CADM2: variants seen among roughly 807,000 people sequenced by gnomAD.
CADM2 encodes the protein cell adhesion molecule 2.
In CADM2, 12 loss-of-function variants were observed where a neutral mutation model predicts 49.8. The ratio of observed to expected loss-of-function variants is 0.24; its 90% CI spans 0.15 to 0.39. The LOEUF (loss-of-function observed/expected upper bound fraction) is 0.39, where lower values mean the gene tolerates loss of function less well. Ranked by LOEUF, CADM2 falls within the 10% of genes least tolerant of loss-of-function variation. The pLI is 1.00. For synonymous variants in CADM2, 214 were observed against 175.4 expected, an observed-to-expected ratio of 1.22 and a Z score of -1.74; for missense variants, 378 against 492.3, an observed-to-expected ratio of 0.77 and a Z score of 2.20.
At chr3:85,655,457 C>G (rs1307394254) in intron 1 of CADM2, among the ~76,000 whole-genome samples, 2 of 152,082 alleles carry the variant, frequency 1.3e-5, no homozygotes, top group Admixed American at 6.5e-5. Flanking sequence ...CCATGCCCAG[C>G]CCCGCTTGGT....
intron 1 of CADM2, among the ~76,000 whole-genome samples, chr3:85,527,142 G>A (rs1182609357): frequency 2.0e-5 from 3 of 152,016 alleles, no homozygotes; most frequent in Admixed American, 1.3e-4. Flanking sequence ...TCACAGCACC[G>A]TGGGATGCCA....
chr3:85,379,654 A>G (rs912304372), intron 1 of CADM2, among the ~76,000 whole-genome samples: 1 of 152,026 alleles, frequency 6.6e-6, no homozygotes, highest in Admixed American at 6.6e-5. Context: ...AGTAATAACA[A>G]GACACTCCAC....
chr3:84,973,633 G>C (rs889349847), intron 1 of CADM2, among the ~76,000 whole-genome samples: 3 of 152,166 alleles, frequency 2.0e-5, no homozygotes, highest in Admixed American at 2.0e-4. Context: ...AAGGAACTAT[G>C]TAACAAGCAA....
chr3:85,624,235 A>C (rs2064057256), intron 1 of CADM2, among the ~76,000 whole-genome samples: 1 of 152,178 alleles, frequency 6.6e-6, no homozygotes. Context: ...TTAAAAATTC[A>C]GATTCTTAGT....
Position 84,959,555 on chromosome 3 carries a change from A to C in CADM2, c.-53A>C. On this transcript the variant is annotated 5_prime_UTR_variant, in exon 1 of 10. Transcript: ENST00000383699. ...AGCCCTGCACTCTCGTGCCCCGCTC[A>C]CCAGCATCTACTTGCCCCCTCGTTC... 1 of 1,497,064 alleles carries C rather than the reference A, an allele frequency of 6.7e-7. No homozygotes were observed. The highest frequency in any genetic ancestry group is 9.0e-7 in the Non-Finnish European group (1 of 1,110,742). The allele number at this position is 1,497,064 out of a possible 1,614,324, so 92.7% of individuals were successfully genotyped here.
intron 1 of CADM2, among the ~76,000 whole-genome samples, chr3:85,315,377 CG>C (rs1013580752): frequency 6.6e-6 from 1 of 151,882 alleles, no homozygotes; most frequent in Non-Finnish European, 1.5e-5. Context: ...TCTTAAGTAT[CG>C]GGGGTTAAAA....
Position 85,992,722 on chromosome 3 carries a change from A to T in CADM2, c.970+31075A>T, listed in dbSNP as rs888120274. 2.1e-4 allele frequency: 32 copies of T among 152,362 alleles called. No homozygotes were observed. The East Asian group carries it at 3.9e-3, about 18-fold the overall frequency. The allele number at this position is 152,362 out of a possible 1,614,324, so 9.4% of individuals were successfully genotyped here. On this transcript the variant is annotated intron_variant, in intron 8 of 9. Transcript: ENST00000383699. ...TTTAAAGTTGTTTTATTACTAAAAA[A>T]TGCTAATGATCGTCTGAGTCTTCAG...
At chr3:85,450,451 A>G (rs1482335752) in intron 1 of CADM2, among the ~76,000 whole-genome samples, 1 of 152,050 alleles carries the variant, frequency 6.6e-6, no homozygotes, top group Non-Finnish European at 1.5e-5. Context: ...TAGGTCTACC[A>G]TTCAGGATAT....
intron 2 of CADM2, among the ~76,000 whole-genome samples, chr3:85,768,316 G>A (rs2069772862): frequency 6.6e-6 from 1 of 151,600 alleles, no homozygotes; most frequent in African/African-American, 2.4e-5. Context: ...TCTGGTGGTG[G>A]GCACCTGCAG....
intron 1 of CADM2, among the ~76,000 whole-genome samples, chr3:85,422,132 G>A (rs1295673825): frequency 6.6e-6 from 1 of 151,908 alleles, no homozygotes; most frequent in Non-Finnish European, 1.5e-5. Context: ...AAAAGTTTTA[G>A]AATGTGTACA....
At chr3:85,611,969 G>A (rs762916018) in intron 1 of CADM2, among the ~76,000 whole-genome samples, 6 of 151,680 alleles carry the variant, frequency 4.0e-5, no homozygotes, top group Non-Finnish European at 8.9e-5. Context: ...AGAAGAAATA[G>A]GTTTCATTCC....
chr3:85,149,730 G>T (rs926657727), intron 1 of CADM2, among the ~76,000 whole-genome samples: 1 of 151,980 alleles, frequency 6.6e-6, no homozygotes, highest in Non-Finnish European at 1.5e-5. Flanking sequence ...CCGTCTCAAA[G>T]AAAAAAATAT....
At chr3:84,999,186 T>C (rs2033330128) in intron 1 of CADM2, among the ~76,000 whole-genome samples, 1 of 152,146 alleles carries the variant, frequency 6.6e-6, no homozygotes, top group Admixed American at 6.6e-5. Context: ...ATATAGTCAT[T>C]TCTTGTTATG....
intron 2 of CADM2, among the ~76,000 whole-genome samples, chr3:85,785,780 C>G (rs917504637): frequency 6.6e-6 from 1 of 152,002 alleles, no homozygotes; most frequent in Non-Finnish European, 1.5e-5. Flanking sequence ...CTAGTGACAC[C>G]GGCTATTCGA....
rs1559644015 is a variant in CADM2 at position 85,769,276 on chromosome 3, T to TATATAGTATATATACACGTATATACACAC, written c.89-32766_89-32765insGTATATATACACGTATATACACACATATA. ...TATAGTATATATACACATATATACA[T>TATATAGTATATATACACGTATATACACAC]ATATACATATATAGTATATATACAC... On this transcript the variant is annotated intron_variant, in intron 2 of 9. Coordinates refer to ENST00000383699, the MANE Select transcript of CADM2 (RefSeq NM_001167675.2). Among the ~76,000 whole-genome samples, 3 of 109,162 alleles carry TATATAGTATATATACACGTATATACACAC rather than the reference T, an allele frequency of 2.7e-5. 1 individual carries two copies. The highest frequency in any genetic ancestry group is 1.1e-4 in the African/African-American group (3 of 26,644). 71.6% of individuals were successfully genotyped at this position (109,162 alleles called of 152,430 possible). A position where few individuals can be genotyped will look rare whatever the true frequency, so the allele number is the denominator to read the frequency against.
At chr3:85,214,199 C>T (rs993406479) in intron 1 of CADM2, among the ~76,000 whole-genome samples, 7 of 151,988 alleles carry the variant, frequency 4.6e-5, no homozygotes, top group African/African-American at 1.7e-4. Flanking sequence ...GTATTTGTTC[C>T]ACCTTGGTGG....
At chr3:85,652,772 C>CTTTTTTTT (rs34756757) in intron 1 of CADM2, among the ~76,000 whole-genome samples, 4,438 of 50,612 alleles carry the variant, frequency 0.088, 1,144 homozygotes, top group East Asian at 0.12. Context: ...TTTTTCTTTT[C>CTTTTTTTT]TTTTTTTTTT....
chr3:85,543,842 A>G (rs1304787939), intron 1 of CADM2, among the ~76,000 whole-genome samples: 1 of 152,118 alleles, frequency 6.6e-6, no homozygotes, highest in Non-Finnish European at 1.5e-5. Flanking sequence ...TGAATTGAAC[A>G]TCTCCCACTG....
chr3:85,895,573 T>C (rs1006277917), intron 5 of CADM2, among the ~76,000 whole-genome samples: 7 of 152,172 alleles, frequency 4.6e-5, no homozygotes, highest in African/African-American at 1.4e-4. Context: ...TGGGAAGGCA[T>C]GATTGGTTTT....
Sources: gnomAD v4.1 joint callset for allele counts (sites outside exome capture counted in the v4.1 genomes callset) on GRCh38, gnomAD v4.1.1 for gene constraint, MANE v1.5 for transcripts, NCBI Gene and HGNC (gene_info 2026-07-23, HGNC 2026-07-21) for gene names.